Variants in CSMD1 observed in about 807,000 individuals in gnomAD.
The protein encoded by CSMD1 is CUB and sushi domain-containing protein 1.
A neutral mutation model predicts 417.5 loss-of-function variants in CSMD1; 213 were observed. The observed-to-expected ratio is 0.51, with a 90% CI of 0.46 to 0.57. The LOEUF (loss-of-function observed/expected upper bound fraction) is 0.57. Among genes scored for constraint, CSMD1 ranks in the 20% least tolerant of loss-of-function variants. CSMD1 has a pLI of 0.00. For missense variants in CSMD1, 6,923 were observed against 4,529.7 expected (o/e 1.53, Z -15.17); for synonymous variants, 2,862 against 1,736.8 (o/e 1.65, Z -16.11).
intron 5 of CSMD1, among the ~76,000 whole-genome samples, chr8:3,906,837 C>T (rs2688284): frequency 0.9 from 136,874 of 151,890 alleles, 61,813 homozygotes; most frequent in East Asian, 0.97. Context: ...TCAAGAAGGA[C>T]AGCATTGTCA....
chr8:3,700,436 A>G (rs905709519), intron 7 of CSMD1: 1 of 152,178 alleles, frequency 6.6e-6, no homozygotes, highest in Non-Finnish European at 1.5e-5. Flanking sequence ...ATAATAACTT[A>G]AAAAACACAA....
At chr8:3,321,625 A>C (rs914852043) in intron 23 of CSMD1, among the ~76,000 whole-genome samples, 3 of 152,186 alleles carry the variant, frequency 2.0e-5, no homozygotes, top group African/African-American at 7.2e-5. Flanking sequence ...CTGGCAGTGA[A>C]AGTGGAAACA....
At chr8:3,524,238 TACAC>T (rs1316323765) in intron 10 of CSMD1, among the ~76,000 whole-genome samples, 15 of 134,098 alleles carry the variant, frequency 1.1e-4, no homozygotes, top group East Asian at 9.5e-4. Context: ...CATACACACA[TACAC>T]ACCCAGAGAC....
intron 3 of CSMD1, among the ~76,000 whole-genome samples, chr8:4,211,315 A>G (rs1800298023): frequency 6.6e-6 from 1 of 152,090 alleles, no homozygotes; most frequent in African/African-American, 2.4e-5. Flanking sequence ...ATCTGCTATC[A>G]TTATATCCAA....
At chr8:4,547,479 C>G (rs1430645532) in intron 2 of CSMD1, among the ~76,000 whole-genome samples, 1 of 152,180 alleles carries the variant, frequency 6.6e-6, no homozygotes, top group Non-Finnish European at 1.5e-5. Context: ...TATGCAGCAG[C>G]CCACATTTCT....
intron 7 of CSMD1, among the ~76,000 whole-genome samples, chr8:3,674,767 G>C (rs1218974922): frequency 6.6e-6 from 1 of 152,108 alleles, no homozygotes; most frequent in Non-Finnish European, 1.5e-5. Context: ...TTCAAAAAAT[G>C]AAAGGTAACT....
intron 3 of CSMD1, among the ~76,000 whole-genome samples, chr8:4,341,350 G>C (rs184769356): frequency 6.6e-6 from 1 of 152,070 alleles, no homozygotes; most frequent in Admixed American, 6.6e-5. Flanking sequence ...ATTGAATTCT[G>C]AGATTCATAT....
At chr8:3,221,756 C>G (rs114282345) in intron 28 of CSMD1, among the ~76,000 whole-genome samples, 1 of 152,070 alleles carries the variant, frequency 6.6e-6, no homozygotes, top group Non-Finnish European at 1.5e-5. Flanking sequence ...AATTTGAGCC[C>G]CAATGTGTGA....
At chr8:3,237,443 C>A (rs926808590) in intron 26 of CSMD1, among the ~76,000 whole-genome samples, 1 of 150,476 alleles carries the variant, frequency 6.6e-6, no homozygotes, top group African/African-American at 2.4e-5. Flanking sequence ...GGCAACAGGG[C>A]GAGACTCCAT....
intron 3 of CSMD1, among the ~76,000 whole-genome samples, chr8:4,244,165 G>A (rs144565787): frequency 2.0e-5 from 3 of 152,298 alleles, no homozygotes; most frequent in Admixed American, 1.3e-4. Flanking sequence ...AGGCAGCTCT[G>A]CAAGTTTCTG....
intron 1 of CSMD1, among the ~76,000 whole-genome samples, chr8:4,857,288 G>C (rs531421322): frequency 2.7e-5 from 4 of 147,884 alleles, no homozygotes; most frequent in Admixed American, 2.7e-4. Flanking sequence ...AAAATTTATA[G>C]CACTAAATGC....
intron 2 of CSMD1, among the ~76,000 whole-genome samples, chr8:4,495,213 A>G (rs1169217974): frequency 6.7e-4 from 102 of 152,302 alleles, no homozygotes; most frequent in Non-Finnish European, 4.4e-5. Context: ...TGGGATTTTT[A>G]TAAAAGGATT....
At chr8:4,126,883 C>T (rs1802794765) in intron 3 of CSMD1, among the ~76,000 whole-genome samples, 1 of 152,148 alleles carries the variant, frequency 6.6e-6, no homozygotes, top group South Asian at 2.1e-4. Flanking sequence ...CAGCATCTGT[C>T]TCCTGGGAAT....
intron 1 of CSMD1, among the ~76,000 whole-genome samples, chr8:4,945,682 A>G (rs147636794): frequency 2.6e-4 from 40 of 152,294 alleles, no homozygotes; most frequent in African/African-American, 9.4e-4. Flanking sequence ...TTTCAAGAGA[A>G]CTTGGCATTA....
intron 3 of CSMD1, among the ~76,000 whole-genome samples, chr8:4,219,596 T>C (rs1429881949): frequency 1.3e-5 from 2 of 152,198 alleles, no homozygotes; most frequent in African/African-American, 2.4e-5. Flanking sequence ...ATTTCTACGG[T>C]TGGCTCCAAC....
intron 3 of CSMD1, among the ~76,000 whole-genome samples, chr8:4,166,489 G>C (rs188153280): frequency 6.6e-6 from 1 of 152,274 alleles, no homozygotes; most frequent in South Asian, 2.1e-4. Context: ...ATTACCCTAA[G>C]TTAAGTAACT....
chr8:3,654,178 C>T (rs1797991290), intron 7 of CSMD1, among the ~76,000 whole-genome samples: 1 of 152,180 alleles, frequency 6.6e-6, no homozygotes, highest in Non-Finnish European at 1.5e-5. Context: ...CTGAAGACAT[C>T]ATTCTCAGCA....
At chr8:4,940,594 G>T (rs980328732) in intron 1 of CSMD1, among the ~76,000 whole-genome samples, 7 of 152,280 alleles carry the variant, frequency 4.6e-5, no homozygotes, top group Non-Finnish European at 7.4e-5. Flanking sequence ...GCAGGTCAGT[G>T]TTTTGATTCT....
At chr8:4,038,254 A>G (rs185073625) in intron 3 of CSMD1, among the ~76,000 whole-genome samples, 2 of 152,288 alleles carry the variant, frequency 1.3e-5, no homozygotes, top group African/African-American at 2.4e-5. Flanking sequence ...GAATAAATAG[A>G]AATAATTAAG....
Sources: gnomAD v4.1 joint callset for allele counts (sites outside exome capture counted in the v4.1 genomes callset) on GRCh38, gnomAD v4.1.1 for gene constraint, MANE v1.5 for transcripts, NCBI Gene and HGNC (gene_info 2026-07-23, HGNC 2026-07-21) for gene names.